The following CFAP100 variants were observed in gnomAD, a reference collection of about 807,000 sequenced individuals.
The protein encoded by CFAP100 is cilia- and flagella-associated protein 100.
CFAP100 carries 70 observed loss-of-function variants against 81.5 expected under a neutral mutation model. That is an observed-to-expected ratio of 0.86 (90% confidence interval 0.71 to 1.05). The LOEUF is 1.05. Ranked by LOEUF, CFAP100 falls within the 50% of genes least tolerant of loss-of-function variation. The pLI is 0.00. For synonymous variants in CFAP100, 341 were observed against 314.8 expected, an observed-to-expected ratio of 1.08 and a Z score of -0.88; for missense variants, 811 against 776.5, an observed-to-expected ratio of 1.04 and a Z score of -0.53.
At chr3:126,402,851 T>G (rs2083006344) in intron 2 of CFAP100, among the ~76,000 whole-genome samples, 1 of 146,296 alleles carries the variant, frequency 6.8e-6, no homozygotes, top group African/African-American at 2.6e-5. Flanking sequence ...CTGTGGGGAG[T>G]CCAGGTGGGG....
intron 5 of CFAP100, chr3:126,416,962 T>TA (rs2083253928): frequency 1.3e-5 from 2 of 152,938 alleles, no homozygotes; most frequent in South Asian, 4.1e-4. Context: ...GGAAAAAACT[T>TA]AGTGTCTATA....
At chr3:126,410,809 T>C (rs147103855) in intron 3 of CFAP100, among the ~76,000 whole-genome samples, 220 of 152,364 alleles carry the variant, frequency 1.4e-3, no homozygotes, top group African/African-American at 5.1e-3. Context: ...CATCCGCAGA[T>C]TTCTTGTAGA....
chr3:126,432,561 A>G (rs916500983), intron 13 of CFAP100, among the ~76,000 whole-genome samples: 1 of 152,188 alleles, frequency 6.6e-6, no homozygotes, highest in African/African-American at 2.4e-5. Flanking sequence ...GGGACCTTGA[A>G]AATATGCTGG....
chr3:126,418,274 C>A, intron 5 of CFAP100, 184 bp from the exon 6 acceptor site: 1 of 605,354 alleles, frequency 1.7e-6, no homozygotes, highest in Non-Finnish European at 2.9e-6. Context: ...ACATTTCAGG[C>A]AGAGCCTTCT....
At chr3:126,405,850 C>A (rs2083054742) in intron 2 of CFAP100, among the ~76,000 whole-genome samples, 1 of 151,902 alleles carries the variant, frequency 6.6e-6, no homozygotes, top group African/African-American at 2.4e-5. Context: ...TGCAGTGGCG[C>A]AATTATGGTT....
Position 126,423,589 on chromosome 3 carries a change from ACGG to A in CFAP100, c.1232_1234del (p.Thr411_Glu412delinsLys), listed in dbSNP as rs2107612097. ...GTCGCTGATCCAGAACAGCCAGGAGACGGAGAAGACCCTGGAGGAGCTGAGCCA... is the reference window on the plus strand; with the variant it reads ...GTCGCTGATCCAGAACAGCCAGGAGAAGAAGACCCTGGAGGAGCTGAGCCA... On this transcript the variant is annotated inframe_deletion, in exon 13 of 17. Transcript: ENST00000352312. 6.2e-7 allele frequency: 1 copy of A among 1,611,268 alleles called. No individual in the cohort carries two copies. The highest frequency in any genetic ancestry group is 8.5e-7 in the Non-Finnish European group (1 of 1,177,722).
chr3:126,410,215 C>T (rs114885716), intron 3 of CFAP100, among the ~76,000 whole-genome samples: 3,724 of 152,220 alleles, frequency 0.024, 159 homozygotes, highest in African/African-American at 0.085. Flanking sequence ...AAAAAAGTTC[C>T]TAAGTTTAGT....
chr3:126,433,186 G>A lies in CFAP100; in HGVS notation c.1404G>A (p.Glu468=). The A allele has an allele frequency of 6.2e-7, 1 of 1,614,196 alleles. No homozygotes were observed. The highest frequency in any genetic ancestry group is 8.5e-7 in the Non-Finnish European group (1 of 1,180,008). ...AAGCCCGAGTCTTCCACTTCGGCGA[G>A]TACAAGGGCGATCAGCAGGTAGGCT... ...ELKARVFHFG[E]YKGDQQDKLL... is the part of the protein sequence containing the mutation. Residue 468 remains glutamate, a synonymous_variant, in exon 14 of 17, where the codon GAG becomes GAA. Transcript: ENST00000352312.
intron 2 of CFAP100, chr3:126,396,450 T>G (rs1387802466): frequency 5.3e-6 from 1 of 188,852 alleles, no homozygotes; most frequent in Non-Finnish European, 1.1e-5. Context: ...TGTGGAATTC[T>G]GCCTGTGTGT....
In CFAP100 at chr3:126,434,175, G is replaced by A; in HGVS notation, c.1423-1G>A. On this transcript the variant is annotated splice_acceptor_variant, in intron 14 of 16. Coordinates refer to ENST00000352312, the MANE Select transcript of CFAP100 (RefSeq NM_182628.3). LOFTEE classifies it high-confidence loss of function. The stretch of plus-strand genomic sequence containing the variant: ...CCTGCTGGAAGCCACCTCCTCCACA[G>A]GATAAGCTGCTAGAGAGCCTGAACT... 6.2e-7 allele frequency: 1 copy of A among 1,607,932 alleles called. No homozygotes were observed.
chr3:126,434,734 C>G (rs62264697), intron 15 of CFAP100, among the ~76,000 whole-genome samples: 1 of 152,118 alleles, frequency 6.6e-6, no homozygotes, highest in Admixed American at 6.5e-5. Context: ...GGGGCAAACA[C>G]GGCCAGGTAG....
chr3:126,429,935 T>C (rs1162213379), intron 13 of CFAP100, among the ~76,000 whole-genome samples: 2 of 152,206 alleles, frequency 1.3e-5, no homozygotes, highest in African/African-American at 4.8e-5. Flanking sequence ...TTCCTGCGTA[T>C]AGTATTCTTT....
At chr3:126,406,116 A>C (rs1167013153) in intron 2 of CFAP100, among the ~76,000 whole-genome samples, 2 of 152,102 alleles carry the variant, frequency 1.3e-5, no homozygotes, top group Non-Finnish European at 2.9e-5. Context: ...CGAGCCCCTG[A>C]GTTCTCCCCA....
At chr3:126,404,552 G>A (rs2083033899) in intron 2 of CFAP100, among the ~76,000 whole-genome samples, 1 of 152,222 alleles carries the variant, frequency 6.6e-6, no homozygotes, top group African/African-American at 2.4e-5. Flanking sequence ...ATGGGGTCCT[G>A]GGTGCCATCT....
intron 13 of CFAP100, among the ~76,000 whole-genome samples, chr3:126,425,965 A>C (rs963489878): frequency 6.6e-6 from 1 of 152,234 alleles, no homozygotes; most frequent in African/African-American, 2.4e-5. Context: ...GAAACAAAAA[A>C]AACAACAACT....
intron 7 of CFAP100, 28 bp from the exon 8 acceptor site, chr3:126,419,048 C>G (rs749807101): frequency 1.1e-5 from 5 of 456,490 alleles, no homozygotes; most frequent in African/African-American, 6.4e-5. Context: ...TTGCCCCCAT[C>G]CCTCCTCCCC....
At chr3:126,415,593 T>A (rs75226444) in intron 4 of CFAP100, among the ~76,000 whole-genome samples, 10,276 of 152,144 alleles carry the variant, frequency 0.068, 422 homozygotes, top group Admixed American at 0.14. Flanking sequence ...CCTGGGTTCT[T>A]AGATGCCGTT....
intron 13 of CFAP100, 59 bp downstream of exon 13, chr3:126,423,703 T>A: frequency 6.3e-7 from 1 of 1,594,596 alleles, no homozygotes; most frequent in Non-Finnish European, 8.6e-7. Context: ...GGGATCCCCC[T>A]AGCACTGGGA....
At chr3:126,395,356 C>T (rs1224502815) in intron 1 of CFAP100, 1 of 152,242 alleles carries the variant, frequency 6.6e-6, no homozygotes, top group Non-Finnish European at 1.5e-5. Flanking sequence ...ACTTTGGACA[C>T]CTCGCTGAAT....
Sources: allele counts gnomAD v4.1 joint callset (sites outside exome capture counted in the v4.1 genomes callset), GRCh38; gene constraint gnomAD v4.1.1; transcripts MANE v1.5; gene names NCBI Gene and HGNC (gene_info 2026-07-23, HGNC 2026-07-21).